The following SHOC2 variants were observed in gnomAD, a reference collection of about 807,000 sequenced individuals.
SHOC2 encodes the protein SHOC2 leucine rich repeat scaffold protein.
Under a neutral mutation model 50.2 loss-of-function variants are expected in SHOC2, and 4 were observed. The observed-to-expected ratio is 0.08, with a 90% CI of 0.04 to 0.18. SHOC2 has a LOEUF of 0.18. SHOC2 is among the 10% of genes least tolerant of loss of function. SHOC2 has a pLI of 1.00. For missense variants in SHOC2, 388 were observed against 669.6 expected (o/e 0.58, Z 4.64); for synonymous variants, 218 against 244.5 (o/e 0.89, Z 1.01).
chr10:110,974,754 T>C (rs1847845235), intron 2 of SHOC2, among the ~76,000 whole-genome samples: 1 of 152,170 alleles, frequency 6.6e-6, no homozygotes, highest in South Asian at 2.1e-4. Context: ...TTATTTTGCA[T>C]ATATCCTAAG....
At chr10:110,931,101 C>CATA (rs1157105771) in intron 1 of SHOC2, among the ~76,000 whole-genome samples, 2 of 152,064 alleles carry the variant, frequency 1.3e-5, no homozygotes, top group East Asian at 3.8e-4. Context: ...CCATTTGCTG[C>CATA]TATATAAAAT....
rs770827397 is a variant in SHOC2, at chr10:111,011,603, TA to T, written c.1541-4del. On this transcript the variant is annotated splice_polypyrimidine_tract_variant and splice_region_variant and intron_variant, in intron 8 of 8. Coordinates refer to ENST00000369452, the MANE Select transcript of SHOC2 (RefSeq NM_007373.4). ...TTTAAAAAAAAATTGATTTTTTTTT[TA>T]AACAGGTACACTGGAGAACCTAGAA... 3 of 1,604,670 alleles carry T rather than the reference TA, an allele frequency of 1.9e-6. No individual in the cohort carries two copies. Among genetic ancestry groups the T allele is most frequent in the South Asian group, 2.2e-5 (2 of 90,324 alleles).
intron 2 of SHOC2, among the ~76,000 whole-genome samples, chr10:110,977,916 G>T (rs1197723436): frequency 4.6e-5 from 7 of 152,172 alleles, no homozygotes; most frequent in African/African-American, 1.7e-4. Context: ...TAGTCTGTTT[G>T]TACCTAATGC....
At chr10:110,947,941 A>G (rs1236838649) in intron 1 of SHOC2, among the ~76,000 whole-genome samples, 1 of 152,164 alleles carries the variant, frequency 6.6e-6, no homozygotes, top group Non-Finnish European at 1.5e-5. Flanking sequence ...TTTTTAAAAT[A>G]TATTTTTCAA....
At chr10:110,955,944 G>T (rs1013328257) in intron 1 of SHOC2, among the ~76,000 whole-genome samples, 1 of 152,116 alleles carries the variant, frequency 6.6e-6, no homozygotes, top group East Asian at 1.9e-4. Context: ...TAATTTAAAG[G>T]TCATTGTCAT....
At chr10:110,994,084 A>G (rs1207282318) in intron 3 of SHOC2, among the ~76,000 whole-genome samples, 1 of 152,192 alleles carries the variant, frequency 6.6e-6, no homozygotes, top group Non-Finnish European at 1.5e-5. Context: ...TGTAAAGGAG[A>G]AAAAGGGATG....
chr10:110,922,065 A>T (rs1430463524), intron 1 of SHOC2, among the ~76,000 whole-genome samples: 1 of 152,088 alleles, frequency 6.6e-6, no homozygotes, highest in African/African-American at 2.4e-5. Context: ...TCAACTTCTG[A>T]ACTACAAGCC....
chr10:110,982,196 T>G (rs1281650827), intron 2 of SHOC2, among the ~76,000 whole-genome samples: 1 of 149,004 alleles, frequency 6.7e-6, no homozygotes, highest in East Asian at 2.0e-4. Context: ...CATCATTTTT[T>G]ATGGCTGCAT....
chr10:110,947,404 C>A (rs1480263290), intron 1 of SHOC2, among the ~76,000 whole-genome samples: 1 of 152,208 alleles, frequency 6.6e-6, no homozygotes, highest in Non-Finnish European at 1.5e-5. Flanking sequence ...TAAAGGGCTT[C>A]CTATGTTAAA....
intron 2 of SHOC2, among the ~76,000 whole-genome samples, chr10:110,979,509 C>T (rs943669244): frequency 1.3e-5 from 2 of 152,156 alleles, no homozygotes; most frequent in African/African-American, 4.8e-5. Context: ...CTGCCTATTA[C>T]AGTTCTCTTC....
At chr10:110,919,447 G>A, upstream of SHOC2, 1 of 392,776 alleles carries the variant, frequency 2.5e-6, no homozygotes, top group Non-Finnish European at 4.5e-6. Flanking sequence ...CCCCGGTTCC[G>A]CCCATTTTTC....
At chr10:110,932,073 G>A (rs1672719472) in intron 1 of SHOC2, among the ~76,000 whole-genome samples, 2 of 152,174 alleles carry the variant, frequency 1.3e-5, no homozygotes, top group Admixed American at 6.5e-5. Context: ...GGTCTGAAGA[G>A]TAAGTAGGAG....
intron 6 of SHOC2, among the ~76,000 whole-genome samples, chr10:111,008,045 C>T (rs193169739): frequency 7.0e-4 from 105 of 150,536 alleles, no homozygotes; most frequent in African/African-American, 2.5e-3. Flanking sequence ...TCCTAATTAC[C>T]GACCTGCTAT....
intron 1 of SHOC2, chr10:110,937,331 T>C: frequency 1.5e-6 from 1 of 651,982 alleles, no homozygotes; most frequent in Non-Finnish European, 2.8e-6. Context: ...AAGCTTCAAA[T>C]GTTTCAAGCA....
intron 1 of SHOC2, among the ~76,000 whole-genome samples, chr10:110,927,364 T>C (rs1478908550): frequency 2.6e-5 from 4 of 152,208 alleles, no homozygotes. Flanking sequence ...TAAGGATAGG[T>C]AGGAGAGCTA....
chr10:110,989,061 A>T (rs1358571856), intron 3 of SHOC2: 1 of 495,750 alleles, frequency 2.0e-6, no homozygotes, highest in Non-Finnish European at 3.9e-6. Context: ...ATGATATATT[A>T]TTGACTTCTA....
intron 2 of SHOC2, among the ~76,000 whole-genome samples, chr10:110,977,199 A>G (rs1009932855): frequency 1.5e-4 from 23 of 151,856 alleles, no homozygotes; most frequent in African/African-American, 5.6e-4. Flanking sequence ...TTTTGTTGCT[A>G]CAGAATGATT....
intron 2 of SHOC2, among the ~76,000 whole-genome samples, chr10:110,967,734 TA>T (rs1847703465): frequency 6.6e-6 from 1 of 152,166 alleles, no homozygotes; most frequent in African/African-American, 2.4e-5. Flanking sequence ...TGTGGTCTCT[TA>T]CGACAGGTTT....
chr10:111,003,398 G>A (rs7086350), intron 4 of SHOC2, among the ~76,000 whole-genome samples: 115,439 of 152,042 alleles, frequency 0.76, 44,089 homozygotes, highest in East Asian at 0.85. Context: ...CTCACTGTCA[G>A]CTTTCATCCT....
Sources: allele counts gnomAD v4.1 joint callset (sites outside exome capture counted in the v4.1 genomes callset), GRCh38; gene constraint gnomAD v4.1.1; transcripts MANE v1.5; gene names NCBI Gene and HGNC (gene_info 2026-07-23, HGNC 2026-07-21).